LEF1: variants seen among roughly 807,000 people sequenced by gnomAD.
LEF1 encodes the protein lymphoid enhancer binding factor 1.
In LEF1, 14 loss-of-function variants were observed where a neutral mutation model predicts 51.2. That is an observed-to-expected ratio of 0.27 (90% CI 0.18 to 0.43). LEF1 has a LOEUF of 0.43. LEF1 is among the 20% of genes least tolerant of loss of function. The probability of loss-of-function intolerance (pLI) is 1.00; values close to 1 mark genes in which losing one functional copy is unlikely to be tolerated. For synonymous variants in LEF1, 185 were observed against 183.2 expected (o/e 1.01, Z -0.08); for missense variants, 386 against 512.0 (o/e 0.75, Z 2.37).
intron 3 of LEF1, among the ~76,000 whole-genome samples, chr4:108,149,971 A>G (rs6846337): frequency 0.034 from 5,109 of 151,498 alleles, 274 homozygotes; most frequent in African/African-American, 0.12. Context: ...AAAAAAAAAG[A>G]TATTTCCTTT....
intron 11 of LEF1, among the ~76,000 whole-genome samples, chr4:108,057,354 C>CTT (rs1737374193): frequency 6.6e-6 from 1 of 152,000 alleles, no homozygotes; most frequent in African/African-American, 2.4e-5. Flanking sequence ...AACCCAGCAG[C>CTT]TCACTGATAT....
chr4:108,068,596 T>C (rs774293169), intron 9 of LEF1, among the ~76,000 whole-genome samples: 1 of 152,242 alleles, frequency 6.6e-6, no homozygotes, highest in Non-Finnish European at 1.5e-5. Context: ...CTGACTATGC[T>C]GTTTCCCATA....
rs951069364 is a variant in LEF1 at position 108,167,198 on chromosome 4, C to T, written c.213+357G>A. On this transcript the variant is annotated intron_variant, in intron 1 of 11. Transcript: ENST00000265165. This position sits in a 1 kb window ranked among gnomAD's most constrained non-coding sequence, Gnocchi z 5.7. ...GAATTTATCAGTAGCGTTATTCAGC[C>T]CTACTCGCTTTAAAGCACGGCACCC... 5.3e-5 allele frequency among the ~76,000 whole-genome samples: 8 copies of T among 152,142 alleles called. No individual in the cohort carries two copies. Among genetic ancestry groups the T allele is most frequent in the Admixed American group, 4.6e-4 (7 of 15,288 alleles).
intron 3 of LEF1, among the ~76,000 whole-genome samples, chr4:108,090,815 C>A (rs910750562): frequency 6.6e-6 from 1 of 152,082 alleles, no homozygotes; most frequent in African/African-American, 2.4e-5. Flanking sequence ...TATTTTTATA[C>A]CCATTAACAA....
At chr4:108,101,193 C>T (rs945094731) in intron 3 of LEF1, among the ~76,000 whole-genome samples, 3 of 152,096 alleles carry the variant, frequency 2.0e-5, no homozygotes, top group Non-Finnish European at 4.4e-5. Flanking sequence ...TAATGTAAAA[C>T]GTTTGATGTG....
At chr4:108,104,689 C>T (rs1004938706) in intron 3 of LEF1, 3 of 984,462 alleles carry the variant, frequency 3.0e-6, no homozygotes, top group Non-Finnish European at 3.6e-6. Flanking sequence ...CCTATGAATG[C>T]TCTTTCCCAC....
chr4:108,061,362 T>G (rs1737682403), intron 11 of LEF1, among the ~76,000 whole-genome samples: 1 of 152,158 alleles, frequency 6.6e-6, no homozygotes, highest in African/African-American at 2.4e-5. Flanking sequence ...GGGATACACT[T>G]TAGGACAAAA....
chr4:108,162,109 A>T (rs1309514942), intron 3 of LEF1, among the ~76,000 whole-genome samples: 1 of 152,180 alleles, frequency 6.6e-6, no homozygotes, highest in East Asian at 1.9e-4. Context: ...ATTACTTTTT[A>T]AGTAGGAGAT....
At chr4:108,069,821 G>A (rs866414533) in intron 9 of LEF1, among the ~76,000 whole-genome samples, 27 of 151,898 alleles carry the variant, frequency 1.8e-4, no homozygotes, top group Admixed American at 1.4e-3. Flanking sequence ...AGCCATGTGT[G>A]GGGGTGCATG....
chr4:108,077,253 CCCATCTGGGAA>C (rs1474989844), intron 8 of LEF1, among the ~76,000 whole-genome samples: 4 of 152,132 alleles, frequency 2.6e-5, no homozygotes, highest in Non-Finnish European at 5.9e-5. Flanking sequence ...GCCTGGCTGC[CCCATCTGGGAA>C]GTGAGGAGTG....
intron 11 of LEF1, among the ~76,000 whole-genome samples, chr4:108,058,687 C>T (rs1737467597): frequency 6.6e-6 from 1 of 152,210 alleles, no homozygotes; most frequent in African/African-American, 2.4e-5. Flanking sequence ...CAGCATGCCA[C>T]TTCTTCACAG....
rs1745519504 is a variant in LEF1, at chr4:108,167,907, G to A, written c.-140C>T. ...CAGGACAGCGGGCGGAAGCGGGGCGGGCGAGCGCGGGGCCGCCGGCCGGCA... is the reference window on the plus strand; with the variant it reads ...CAGGACAGCGGGCGGAAGCGGGGCGAGCGAGCGCGGGGCCGCCGGCCGGCA... On this transcript the variant is annotated 5_prime_UTR_variant, in exon 1 of 12. Transcript: ENST00000265165. The surrounding 1 kb of genome is among the most constrained non-coding windows in gnomAD (Gnocchi z 5.7). 5.4e-6 allele frequency: 3 copies of A among 551,490 alleles called. No homozygotes were observed. The highest frequency in any genetic ancestry group is 7.0e-5 in the East Asian group (2 of 28,622). The allele number at this position is 551,490 out of a possible 1,614,324, so 34.2% of individuals were successfully genotyped here. A position where few individuals can be genotyped will look rare whatever the true frequency, so the allele number is the denominator to read the frequency against.
At chr4:108,106,136 C>T (rs891696253) in intron 3 of LEF1, among the ~76,000 whole-genome samples, 8 of 152,176 alleles carry the variant, frequency 5.3e-5, no homozygotes, top group Non-Finnish European at 1.2e-4. Flanking sequence ...CAGTCAATTT[C>T]ACCTATCCAA....
At chr4:108,076,455 G>T (rs908365013) in intron 8 of LEF1, among the ~76,000 whole-genome samples, 2 of 152,028 alleles carry the variant, frequency 1.3e-5, no homozygotes, top group African/African-American at 2.4e-5. Context: ...TGCAACCTCC[G>T]CCTCCCAGGT....
chr4:108,115,941 C>T (rs1741814040), intron 3 of LEF1, among the ~76,000 whole-genome samples: 1 of 151,818 alleles, frequency 6.6e-6, no homozygotes, highest in African/African-American at 2.4e-5. Context: ...CTCTTTACTG[C>T]TTTCTTCCCT....
intron 3 of LEF1, among the ~76,000 whole-genome samples, chr4:108,120,000 T>TAC (rs1491083602): frequency 7.2e-5 from 1 of 13,938 alleles, no homozygotes; most frequent in African/African-American, 1.1e-4. Context: ...TATATGTGTG[T>TAC]GTGTGTGTGT....
At chr4:108,106,560 A>G (rs1741180388) in intron 3 of LEF1, among the ~76,000 whole-genome samples, 1 of 152,170 alleles carries the variant, frequency 6.6e-6, no homozygotes, top group Non-Finnish European at 1.5e-5. Flanking sequence ...GCACTGATGT[A>G]CACACATTAG....
At chr4:108,134,301 A>G (rs1484362084) in intron 3 of LEF1, among the ~76,000 whole-genome samples, 3 of 152,244 alleles carry the variant, frequency 2.0e-5, no homozygotes, top group Non-Finnish European at 4.4e-5. Context: ...CAGTCCTTCC[A>G]CTATTGGAAG....
At chr4:108,064,857 C>T (rs544949942) in intron 9 of LEF1, among the ~76,000 whole-genome samples, 1 of 152,170 alleles carries the variant, frequency 6.6e-6, no homozygotes, top group Admixed American at 6.5e-5. Flanking sequence ...ACTTAGAACC[C>T]ACTTCTGGTA....
Sources: allele counts gnomAD v4.1 joint callset (sites outside exome capture counted in the v4.1 genomes callset), GRCh38; gene constraint gnomAD v4.1.1; non-coding constraint Gnocchi (gnomAD v3.1); transcripts MANE v1.5; gene names NCBI Gene and HGNC (gene_info 2026-07-23, HGNC 2026-07-21).